Variants in PABPC4L observed in about 807,000 individuals in gnomAD.
PABPC4L encodes polyadenylate-binding protein 4-like.
For missense variants in PABPC4L, 452 were observed against 451.4 expected, an observed-to-expected ratio of 1.00 and a Z score of -0.01; for synonymous variants, 169 against 164.1, an observed-to-expected ratio of 1.03 and a Z score of -0.23.
At chr4:134,061,827 GA>G in the PABPC4L span, among the ~76,000 whole-genome samples, 5 of 144,162 alleles carry the variant, frequency 3.5e-5, no homozygotes, top group Non-Finnish European at 4.6e-5. Flanking sequence ...ACACATAAGA[GA>G]AAAAAAGAAA....
chr4:134,142,394 T>C, the PABPC4L span, among the ~76,000 whole-genome samples: 1 of 151,624 alleles, frequency 6.6e-6, no homozygotes, highest in South Asian at 2.1e-4. Flanking sequence ...AACCTTCTTA[T>C]AAATCCGTGG....
At chr4:133,989,250 T>G in the PABPC4L span, among the ~76,000 whole-genome samples, 97 of 152,202 alleles carry the variant, frequency 6.4e-4, no homozygotes, top group Non-Finnish European at 1.3e-3. Context: ...AAATTTCTCC[T>G]CAGAAAATGG....
At chr4:134,151,651 T>C in the PABPC4L span, among the ~76,000 whole-genome samples, 1 of 152,046 alleles carries the variant, frequency 6.6e-6, no homozygotes, top group East Asian at 1.9e-4. Flanking sequence ...TCTAATGTTT[T>C]GCCAATTATT....
chr4:134,115,955 TA>T, the PABPC4L span, among the ~76,000 whole-genome samples: 10 of 151,836 alleles, frequency 6.6e-5, no homozygotes, highest in South Asian at 1.0e-3. Flanking sequence ...TTTGATTAGA[TA>T]AAAAAGATAA....
the PABPC4L span, among the ~76,000 whole-genome samples, chr4:134,171,994 C>G: frequency 5.9e-5 from 9 of 151,722 alleles, no homozygotes; most frequent in Non-Finnish European, 1.3e-4. Context: ...GAATTACAAA[C>G]CAGTGCTCAA....
At chr4:134,148,835 A>C in the PABPC4L span, among the ~76,000 whole-genome samples, 1 of 140,230 alleles carries the variant, frequency 7.1e-6, no homozygotes, top group East Asian at 2.3e-4. Flanking sequence ...TGACATAAGG[A>C]GCTCAAAATT....
At chr4:134,040,336 C>T in the PABPC4L span, among the ~76,000 whole-genome samples, 1 of 151,912 alleles carries the variant, frequency 6.6e-6, no homozygotes, top group African/African-American at 2.4e-5. Flanking sequence ...ATACTACAAG[C>T]CTACAGTAAC....
chr4:134,194,051 G>A (rs1729586441), downstream of PABPC4L, among the ~76,000 whole-genome samples: 2 of 151,988 alleles, frequency 1.3e-5, no homozygotes, highest in South Asian at 2.1e-4. Context: ...AGAGAAAAGA[G>A]TAGGTAATTA....
At chr4:134,062,522 G>T in the PABPC4L span, among the ~76,000 whole-genome samples, 1 of 151,984 alleles carries the variant, frequency 6.6e-6, no homozygotes, top group Admixed American at 6.6e-5. Flanking sequence ...AATCTTCAAG[G>T]CATCAAATAC....
chr4:134,175,429 TAATTAATTAATTAATCAATC>T, the PABPC4L span, among the ~76,000 whole-genome samples: 2 of 151,898 alleles, frequency 1.3e-5, no homozygotes, highest in Non-Finnish European at 2.9e-5. Flanking sequence ...TTTTTTAAAT[TAATTAATTAATTAATCAATC>T]AATTAATTAA....
the PABPC4L span, among the ~76,000 whole-genome samples, chr4:134,179,255 A>C: frequency 6.6e-6 from 1 of 151,706 alleles, no homozygotes; most frequent in East Asian, 1.9e-4. Context: ...CAGCATTCTT[A>C]AAAGAAAAAA....
chr4:134,115,388 G>A, the PABPC4L span, among the ~76,000 whole-genome samples: 1 of 151,672 alleles, frequency 6.6e-6, no homozygotes, highest in East Asian at 1.9e-4. Context: ...GAGAGGGGGA[G>A]AATGAGGGGA....
chr4:133,995,171 C>T, the PABPC4L span, among the ~76,000 whole-genome samples: 2 of 152,190 alleles, frequency 1.3e-5, no homozygotes, highest in South Asian at 2.1e-4. Flanking sequence ...CAAATTTGGA[C>T]AGTCATTGAT....
chr4:134,088,296 A>T, the PABPC4L span, among the ~76,000 whole-genome samples: 685 of 152,006 alleles, frequency 4.5e-3, 8 homozygotes, highest in African/African-American at 0.016. Context: ...TTTTCCTCAA[A>T]CTCCAGGTAT....
At chr4:134,176,122 A>G in the PABPC4L span, among the ~76,000 whole-genome samples, 1 of 152,198 alleles carries the variant, frequency 6.6e-6, no homozygotes, top group South Asian at 2.1e-4. Context: ...AACATCTTGC[A>G]TAAACTATTT....
the PABPC4L span, among the ~76,000 whole-genome samples, chr4:134,031,286 C>A: frequency 6.6e-6 from 1 of 151,452 alleles, no homozygotes; most frequent in Admixed American, 6.6e-5. Flanking sequence ...CATTTTTTTC[C>A]TATTTGTTTT....
the PABPC4L span, among the ~76,000 whole-genome samples, chr4:134,175,535 G>A: frequency 8.6e-5 from 13 of 151,898 alleles, no homozygotes; most frequent in Middle Eastern, 3.4e-3. Context: ...TGCAACCTCC[G>A]CCTCCTGAGT....
the PABPC4L span, among the ~76,000 whole-genome samples, chr4:134,013,862 G>T: frequency 5.3e-5 from 8 of 151,638 alleles, no homozygotes; most frequent in Admixed American, 4.6e-4. Context: ...TCTTCCTCAG[G>T]CTCCACTCCT....
At chr4:134,145,676 A>G in the PABPC4L span, among the ~76,000 whole-genome samples, 2 of 151,892 alleles carry the variant, frequency 1.3e-5, no homozygotes, top group African/African-American at 4.8e-5. Context: ...AAAGTTTTTC[A>G]TTTGGTCTCT....
Sources: gnomAD v4.1 joint callset for allele counts (sites outside exome capture counted in the v4.1 genomes callset) on GRCh38, gnomAD v4.1.1 for gene constraint, MANE v1.5 for transcripts, NCBI Gene and HGNC (gene_info 2026-07-23, HGNC 2026-07-21) for gene names.